The following JMJD8 variants were observed in gnomAD, a reference collection of about 807,000 sequenced individuals.
The protein encoded by JMJD8 is jumonji domain containing 8, also known as jmjC domain-containing protein 8.
JMJD8 carries 56 observed loss-of-function variants against 37.6 expected under a neutral mutation model. The observed-to-expected ratio is 1.49, with a 90% CI of 1.20 to 1.86. The LOEUF (loss-of-function observed/expected upper bound fraction) is 1.86, where lower values mean the gene tolerates loss of function less well. Ranked by LOEUF, JMJD8 falls within the 40% of genes most tolerant of loss-of-function variation. The probability of loss-of-function intolerance (pLI) is 0.00; values close to 1 mark genes in which losing one functional copy is unlikely to be tolerated. For missense variants in JMJD8, 542 were observed against 362.7 expected (o/e 1.49, Z -4.01); for synonymous variants, 261 against 163.7 (o/e 1.59, Z -4.54).
Position 681,947 on chromosome 16 carries a change from T to C in JMJD8, c.*847A>G. On this transcript the variant is annotated 3_prime_UTR_variant, in exon 9 of 9. Transcript: ENST00000609261. ...ACGTGGCGTGGGAGCATCCCCGCCT[T>C]GTGTTGGGTCTGTGCCCCATGGAGG... is the stretch of plus-strand genomic sequence containing the variant. 1.2e-6 allele frequency: 2 copies of C among 1,612,130 alleles called. No individual in the cohort carries two copies. Among genetic ancestry groups the C allele is most frequent in the South Asian group, 2.2e-5 (2 of 91,038 alleles).
rs2039721303 is a variant in JMJD8, at chr16:682,667, T to A, written c.*127A>T. ...GCTGGGCCGTGATCGTCCCCCTTTGTGGGCTGGAAAAGCAGGTGAGGGTGG... is the reference window on the plus strand; with the variant it reads ...GCTGGGCCGTGATCGTCCCCCTTTGAGGGCTGGAAAAGCAGGTGAGGGTGG... On this transcript the variant is annotated 3_prime_UTR_variant, in exon 9 of 9. Transcript: ENST00000609261. 2 of 1,412,680 alleles carry A rather than the reference T, an allele frequency of 1.4e-6. No individual in the cohort carries two copies. Among genetic ancestry groups the A allele is most frequent in the Non-Finnish European group, 1.9e-6 (2 of 1,031,026 alleles). 87.5% of individuals were successfully genotyped at this position (1,412,680 alleles called of 1,614,324 possible). A position where few individuals can be genotyped will look rare whatever the true frequency, so the allele number is the denominator to read the frequency against.
In JMJD8 at chr16:681,823, G is replaced by A. The variant is rs771194855; in HGVS notation, c.*971C>T. On this transcript the variant is annotated 3_prime_UTR_variant, in exon 9 of 9. Coordinates refer to ENST00000609261, the MANE Select transcript of JMJD8 (RefSeq NM_001005920.4). ...TGGAAGAGTGCCAGCGAAACCACGA[G>A]GGTGATGAGGACGACAGCCACGTCC... The A allele has an allele frequency of 2.5e-6, 4 of 1,608,398 alleles. No individual in the cohort carries two copies. The highest frequency in any genetic ancestry group is 1.3e-5 in the African/African-American group (1 of 74,892).
rs1044237678 is a variant in JMJD8, at chr16:683,423, C to T, written c.410G>A (p.Gly137Glu). 1 of 1,552,272 alleles carries T rather than the reference C, an allele frequency of 6.4e-7. No individual in the cohort carries two copies. The highest frequency in any genetic ancestry group is 8.7e-7 in the Non-Finnish European group (1 of 1,147,618). The change falls in exon 6 of 9, where the codon GGG (glycine) becomes GAG (glutamate). Residue 137 changes from glycine to glutamate, a missense_variant. Gly to Glu is a moderately conservative substitution (Grantham distance 98). Transcript: ENST00000609261. ...GGCCCACTCGGTGAAGTTGTTGTCC[C>T]CGAAGAAGTACAGGGTGTCTGCCAA... Reference protein sequence around the residue: ...SLGNDTLYFFGDNNFTEWASL... With the variant: ...SLGNDTLYFFEDNNFTEWASL...
Position 683,927 on chromosome 16 carries a change from G to A in JMJD8, c.177-18C>T, listed in dbSNP as rs1318501290. The A allele has an allele frequency of 3.2e-6, 5 of 1,568,234 alleles. No individual in the cohort carries two copies. The highest frequency in any genetic ancestry group is 1.2e-5 in the South Asian group (1 of 86,136). ...AGGCGTACCTGGAAAGAAGGGCAGA[G>A]TCGCGGCCAGGCCGGACCGCCAGCC... On this transcript the variant is annotated intron_variant, in intron 2 of 8. Coordinates refer to ENST00000609261, the MANE Select transcript of JMJD8 (RefSeq NM_001005920.4).
In JMJD8 at chr16:683,513, G is replaced by A; in HGVS notation, c.391+17C>T. On this transcript the variant is annotated intron_variant, in intron 5 of 8. Transcript: ENST00000609261. The stretch of plus-strand genomic sequence containing the variant: ...CCAAGCGTCCCCACCCCCTACCGCC[G>A]CCTAGGGCTGCCTCACCATTGCCCA... The A allele has an allele frequency of 6.5e-7, 1 of 1,546,638 alleles. No individual in the cohort carries two copies. The highest frequency in any genetic ancestry group is 8.7e-7 in the Non-Finnish European group (1 of 1,144,710).
rs375142478 is a variant in JMJD8 at position 683,842 on chromosome 16, C to T, written c.225+19G>A. ...CAGCACGGGCGAGAGTGGCCGGGGA[C>T]GGACGGGCACGCGCTCACCGAGTTG... On this transcript the variant is annotated intron_variant, in intron 3 of 8. Coordinates refer to ENST00000609261, the MANE Select transcript of JMJD8 (RefSeq NM_001005920.4). 8.7e-5 allele frequency: 138 copies of T among 1,583,662 alleles called. No individual in the cohort carries two copies. The African/African-American group carries it at 1.7e-3, about 20-fold the overall frequency.
chr16:683,933 G>T, intron 2 of JMJD8, 24 bp from the exon 3 acceptor site: 1 of 1,564,786 alleles, frequency 6.4e-7, no homozygotes. Flanking sequence ...CAGAGTCGCG[G>T]CCAGGCCGGA....
rs1429667954 is a variant in JMJD8, at chr16:683,532, T to C, written c.389A>G (p.Asn130Ser). The C allele has an allele frequency of 1.9e-6, 3 of 1,556,356 alleles. No homozygotes were observed. Among genetic ancestry groups the C allele is most frequent in the African/African-American group, 1.4e-5 (1 of 73,602 alleles). Residue 130 changes from asparagine to serine, a missense_variant and splice_region_variant, in exon 5 of 9, where the codon AAT (asparagine) becomes AGT (serine). Transcript: ENST00000609261. The stretch of plus-strand genomic sequence containing the variant: ...ACCGCCGCCTAGGGCTGCCTCACCA[T>C]TGCCCAGGGAGGTGGGGTCCTGGGG... ...LHPQDPTSLG[N>S]DTLYFFGDNN...
In JMJD8 at chr16:683,451, G is replaced by A; in HGVS notation, c.392-10C>T. On this transcript the variant is annotated splice_polypyrimidine_tract_variant and intron_variant, in intron 5 of 8. Transcript: ENST00000609261. Reference sequence around the variant, plus strand: ...AAGAAGTACAGGGTGTCTGCCAACAGAGACGGCGGGGACAGGGATCCTGGC... The same window carrying A: ...AAGAAGTACAGGGTGTCTGCCAACAAAGACGGCGGGGACAGGGATCCTGGC... 3 of 1,550,942 alleles carry A rather than the reference G, an allele frequency of 1.9e-6. No homozygotes were observed. The highest frequency in any genetic ancestry group is 2.4e-5 in the South Asian group (2 of 84,180).
Position 684,170 on chromosome 16 carries a change from G to C in JMJD8, c.87-15C>G. ...CGCCCGGGCGCCTGCGGGCACAGCT[G>C]GGTCAGCCCGCGCCCCGCCCGCCGC... On this transcript the variant is annotated splice_polypyrimidine_tract_variant and intron_variant, in intron 1 of 8. Transcript: ENST00000609261. The C allele has an allele frequency of 7.3e-7, 1 of 1,362,550 alleles. No homozygotes were observed. The highest frequency in any genetic ancestry group is 9.4e-7 in the Non-Finnish European group (1 of 1,067,548). The allele number at this position is 1,362,550 out of a possible 1,614,324, so 84.4% of individuals were successfully genotyped here. A position where few individuals can be genotyped will look rare whatever the true frequency, so the allele number is the denominator to read the frequency against.
Position 683,764 on chromosome 16 carries a change from G to A in JMJD8, c.243C>T (p.Cys81=). 6.2e-7 allele frequency: 1 copy of A among 1,608,494 alleles called. No homozygotes were observed. The highest frequency in any genetic ancestry group is 1.1e-5 in the South Asian group (1 of 90,244). ...ACGAAGCCAGCAACCTGTCGCGGGA[G>A]CACAGGGCCCGGAACCTCTGCGGGG... ...LTDNSRFRAL[C]SRDRLLASFG... The change falls in exon 4 of 9, where the codon TGC becomes TGT. Residue 81 remains cysteine, a synonymous_variant. Coordinates refer to ENST00000609261, the MANE Select transcript of JMJD8 (RefSeq NM_001005920.4).
Position 682,968 on chromosome 16 carries a change from G to T in JMJD8, c.699C>A (p.Thr233=), listed in dbSNP as rs779563684. 1.9e-6 allele frequency: 3 copies of T among 1,613,092 alleles called. No individual in the cohort carries two copies. In the East Asian group the frequency reaches 6.7e-5, roughly 36 times the overall value. The change falls in exon 8 of 9, where the codon ACC becomes ACA. Residue 233 remains threonine (T), a synonymous_variant. Coordinates refer to ENST00000609261, the MANE Select transcript of JMJD8 (RefSeq NM_001005920.4). The part of the protein sequence containing the change: ...LPPSARPLEC[T]IRAGEVLYFP... ...AGCCACTGACCTCACCAGCCCGGAT[G>T]GTACACTCCAGGGGCCGTGCAGACG...
chr16:683,631 T>G, intron 4 of JMJD8, 33 bp from the exon 5 acceptor site: 1 of 1,576,432 alleles, frequency 6.3e-7, no homozygotes, highest in South Asian at 1.2e-5. Flanking sequence ...GACCGTCTGG[T>G]CCAGCCGCCC....
At chr16:683,931 C>T (rs192865815) in intron 2 of JMJD8, 22 bp from the exon 3 acceptor site, 119 of 1,564,446 alleles carry the variant, frequency 7.6e-5, no homozygotes, top group Non-Finnish European at 1.0e-4. Flanking sequence ...GGCAGAGTCG[C>T]GGCCAGGCCG....
chr16:682,029 A>C lies in JMJD8; in HGVS notation c.*765T>G. Reference sequence around the variant, plus strand: ...ACTCAACTCTTCACAGGACAAGTACATGGCGGACATGGACGAGCTTTTTTC... The same window carrying C: ...ACTCAACTCTTCACAGGACAAGTACCTGGCGGACATGGACGAGCTTTTTTC... On this transcript the variant is annotated 3_prime_UTR_variant, in exon 9 of 9. Coordinates refer to ENST00000609261, the MANE Select transcript of JMJD8 (RefSeq NM_001005920.4). 2 of 1,595,530 alleles carry C rather than the reference A, an allele frequency of 1.3e-6. No homozygotes were observed. The highest frequency in any genetic ancestry group is 1.7e-6 in the Non-Finnish European group (2 of 1,166,270).
In JMJD8 at chr16:683,408, G is replaced by C; in HGVS notation, c.425C>G (p.Thr142Ser). 1 of 1,553,178 alleles carries C rather than the reference G, an allele frequency of 6.4e-7. No individual in the cohort carries two copies. Among genetic ancestry groups the C allele is most frequent in the Non-Finnish European group, 8.7e-7 (1 of 1,148,010 alleles). The change falls in exon 6 of 9, where the codon ACC (threonine) becomes AGC (serine). Residue 142 changes from threonine (T) to serine (S), a missense_variant. Transcript: ENST00000609261. ...GTGCCGAAAGAGAGAGGCCCACTCG[G>C]TGAAGTTGTTGTCCCCGAAGAAGTA... ...TLYFFGDNNF[T>S]EWASLFRHYS...
In JMJD8 at chr16:683,673, G is replaced by C; in HGVS notation, c.322+12C>G. ...TGGCAAATGGGCGGGCCCCAGGGGT[G>C]AGGCCGCGTACCTTTGTGGTAGGAG... On this transcript the variant is annotated intron_variant, in intron 4 of 8. Coordinates refer to ENST00000609261, the MANE Select transcript of JMJD8 (RefSeq NM_001005920.4). 1 of 1,594,262 alleles carries C rather than the reference G, an allele frequency of 6.3e-7. No individual in the cohort carries two copies. The highest frequency in any genetic ancestry group is 8.5e-7 in the Non-Finnish European group (1 of 1,171,332).
At position 682,125 on chromosome 16, in the gene JMJD8, G is replaced by GC; in HGVS notation, c.*668dup. Reference sequence around the variant, plus strand: ...GATGGCTGGCAGGTGCTCGTGCAGTGCCCCTTTTCAGCCTCTGACCGTGTG... The same window carrying GC: ...GATGGCTGGCAGGTGCTCGTGCAGTGCCCCCTTTTCAGCCTCTGACCGTGTG... On this transcript the variant is annotated 3_prime_UTR_variant, in exon 9 of 9. Transcript: ENST00000609261. 1 of 1,589,300 alleles carries GC rather than the reference G, an allele frequency of 6.3e-7. No individual in the cohort carries two copies. Among genetic ancestry groups the GC allele is most frequent in the East Asian group, 2.3e-5 (1 of 44,288 alleles).
chr16:683,996 C>A (rs2039819739), intron 2 of JMJD8, 70 bp downstream of exon 2: 3 of 1,555,934 alleles, frequency 1.9e-6, no homozygotes, highest in East Asian at 4.8e-5. Context: ...CAGGGGAAGG[C>A]GGCCTTGGGC....
Sources: gnomAD v4.1 joint callset for allele counts on GRCh38, gnomAD v4.1.1 for gene constraint, MANE v1.5 for transcripts, NCBI Gene and HGNC (gene_info 2026-07-23, HGNC 2026-07-21) for gene names.